Variants in SYT16 observed in about 807,000 individuals in gnomAD.
The protein encoded by SYT16 is synaptotagmin-16.
In SYT16, 42 loss-of-function variants were observed where a neutral mutation model predicts 61.4. The observed-to-expected ratio is 0.68, with a 90% CI of 0.53 to 0.89. The LOEUF (loss-of-function observed/expected upper bound fraction) is 0.89. Ranked by LOEUF, SYT16 falls within the 40% of genes least tolerant of loss-of-function variation. The pLI, the probability that SYT16 is intolerant of heterozygous loss-of-function variation, is 0.00. For synonymous variants in SYT16, 314 were observed against 302.3 expected (o/e 1.04, Z -0.40); for missense variants, 804 against 807.3 (o/e 1.00, Z 0.05).
In SYT16 at chr14:62,081,217, G is replaced by C; in HGVS notation, c.1377G>C (p.Leu459=). The change falls in exon 6 of 8, where the codon CTG becomes CTC. Residue 459 remains leucine, a synonymous_variant. Coordinates refer to ENST00000683842, the MANE Select transcript of SYT16 (RefSeq NM_001367656.1). The part of the protein sequence containing the change: ...MGEKLFYLSH[L]HPEGEMKVTL... ...AGAAACTATTCTATCTCAGCCACCT[G>C]CACCCAGAAGGGGAAATGAAAGTGA... 1 of 1,613,976 alleles carries C rather than the reference G, an allele frequency of 6.2e-7. No individual in the cohort carries two copies. The highest frequency in any genetic ancestry group is 8.5e-7 in the Non-Finnish European group (1 of 1,179,886).
chr14:61,982,513 G>A (rs1251000152), intron 2 of SYT16, among the ~76,000 whole-genome samples: 1 of 152,086 alleles, frequency 6.6e-6, no homozygotes, highest in African/African-American at 2.4e-5. Flanking sequence ...CACAAGAACA[G>A]TATGGGGGAA....
Position 62,043,838 on chromosome 14 carries a change from G to T in SYT16, c.524-25765G>T, listed in dbSNP as rs1322011669. Among the ~76,000 whole-genome samples the T allele has an allele frequency of 2.0e-5, 3 of 151,986 alleles. No homozygotes were observed. In the South Asian group the frequency reaches 6.2e-4, roughly 32 times the overall value. ...AATACTTAAACTTCTTTGCATGACT[G>T]CTACAAACTGTTTTTGTAGAGACAG... is the stretch of plus-strand genomic sequence containing the variant. On this transcript the variant is annotated intron_variant, in intron 3 of 7. Transcript: ENST00000683842.
At chr14:62,008,942 A>G (rs1299199799) in intron 3 of SYT16, among the ~76,000 whole-genome samples, 1 of 152,136 alleles carries the variant, frequency 6.6e-6, no homozygotes, top group Non-Finnish European at 1.5e-5. Context: ...CTTTGAGCAC[A>G]TATACTGGAG....
chr14:61,813,527 G>C (rs2045333091), intron 1 of SYT16, among the ~76,000 whole-genome samples: 2 of 152,228 alleles, frequency 1.3e-5, no homozygotes, highest in South Asian at 4.1e-4. Context: ...AGGGAGTTCA[G>C]AGTAAAACCA....
intron 3 of SYT16, among the ~76,000 whole-genome samples, chr14:61,999,578 AATTT>A (rs2052910845): frequency 6.6e-6 from 1 of 151,434 alleles, no homozygotes; most frequent in South Asian, 2.1e-4. Context: ...TGGTTTAATT[AATTT>A]ATCACTATTG....
At chr14:61,872,908 A>G (rs1167555322) in intron 1 of SYT16, among the ~76,000 whole-genome samples, 1 of 152,216 alleles carries the variant, frequency 6.6e-6, no homozygotes, top group Non-Finnish European at 1.5e-5. Context: ...TAATTCATTA[A>G]TCTTTTCTGG....
At chr14:61,901,241 A>G (rs1451459438) in intron 1 of SYT16, among the ~76,000 whole-genome samples, 1 of 152,186 alleles carries the variant, frequency 6.6e-6, no homozygotes, top group Non-Finnish European at 1.5e-5. Context: ...TTGGAAATGT[A>G]CAATCCTTAT....
chr14:62,008,258 A>G (rs565499190), intron 3 of SYT16, among the ~76,000 whole-genome samples: 2 of 152,208 alleles, frequency 1.3e-5, no homozygotes, highest in East Asian at 3.9e-4. Context: ...AAGGAGCCTT[A>G]CAGTGGGAGG....
chr14:62,029,408 C>T (rs921353412), intron 3 of SYT16, among the ~76,000 whole-genome samples: 6 of 152,262 alleles, frequency 3.9e-5, no homozygotes, highest in East Asian at 1.9e-4. Context: ...TGGGAATAGG[C>T]GTCGGGCTTT....
chr14:62,036,760 C>T (rs1477597950), intron 3 of SYT16, among the ~76,000 whole-genome samples: 3 of 152,124 alleles, frequency 2.0e-5, no homozygotes, highest in Admixed American at 2.0e-4. Flanking sequence ...GAAAAACCCG[C>T]CCTCATGATT....
rs754323594 is a variant in SYT16, at chr14:62,069,832, A to G, written c.736+17A>G. 2 of 1,612,538 alleles carry G rather than the reference A, an allele frequency of 1.2e-6. No individual in the cohort carries two copies. The highest frequency in any genetic ancestry group is 1.7e-6 in the Non-Finnish European group (2 of 1,179,550). ...CCTGCGAAGGTATCCTTTGCCTCAC[A>G]TCCTTTCTTTAGACCAGGGATGGCC... On this transcript the variant is annotated intron_variant, in intron 4 of 7. Coordinates refer to ENST00000683842, the MANE Select transcript of SYT16 (RefSeq NM_001367656.1).
At chr14:61,840,154 G>T (rs1583945) in intron 1 of SYT16, among the ~76,000 whole-genome samples, 13,605 of 152,182 alleles carry the variant, frequency 0.089, 640 homozygotes, top group Non-Finnish European at 0.1. Context: ...GACAACTGGT[G>T]GGATGAAAAT....
At chr14:61,872,597 C>T (rs1396734862) in intron 1 of SYT16, among the ~76,000 whole-genome samples, 1 of 152,162 alleles carries the variant, frequency 6.6e-6, no homozygotes, top group Admixed American at 6.5e-5. Flanking sequence ...CCTGCCCCTT[C>T]CTGTTTCTTC....
chr14:61,871,057 G>T (rs2047316687), intron 1 of SYT16, among the ~76,000 whole-genome samples: 1 of 152,156 alleles, frequency 6.6e-6, no homozygotes, highest in Non-Finnish European at 1.5e-5. Flanking sequence ...CTATGTTCTG[G>T]AAGGCAGTTA....
chr14:61,971,950 G>A (rs1246486457), intron 2 of SYT16, among the ~76,000 whole-genome samples: 1 of 152,232 alleles, frequency 6.6e-6, no homozygotes, highest in Non-Finnish European at 1.5e-5. Flanking sequence ...TGGCCATGGG[G>A]TGGTATGAAG....
intron 1 of SYT16, among the ~76,000 whole-genome samples, chr14:61,816,917 A>C (rs1270679123): frequency 6.6e-6 from 1 of 151,808 alleles, no homozygotes; most frequent in African/African-American, 2.4e-5. Context: ...AGGCTGAGGC[A>C]GGAGAATGGC....
chr14:61,998,259 T>C (rs1296687876), intron 3 of SYT16, among the ~76,000 whole-genome samples: 1 of 152,006 alleles, frequency 6.6e-6, no homozygotes, highest in Non-Finnish European at 1.5e-5. Context: ...TCTATGCTTT[T>C]TGACAAATAG....
chr14:61,848,264 C>T (rs1566625303), intron 1 of SYT16, among the ~76,000 whole-genome samples: 3 of 152,160 alleles, frequency 2.0e-5, no homozygotes, highest in African/African-American at 7.2e-5. Context: ...TCACTGAAGC[C>T]GTATCTGCAT....
intron 1 of SYT16, among the ~76,000 whole-genome samples, chr14:61,945,200 A>G (rs2050374737): frequency 6.6e-6 from 1 of 152,234 alleles, no homozygotes; most frequent in Non-Finnish European, 1.5e-5. Context: ...ATCTCATGCC[A>G]GTTAGAATGG....
Sources: allele counts gnomAD v4.1 joint callset (sites outside exome capture counted in the v4.1 genomes callset), GRCh38; gene constraint gnomAD v4.1.1; transcripts MANE v1.5; gene names NCBI Gene and HGNC (gene_info 2026-07-23, HGNC 2026-07-21).